Variants in FERRY3 observed in about 807,000 individuals in gnomAD.
FERRY3 encodes FERRY endosomal RAB5 effector complex subunit 3.
the FERRY3 span, among the ~76,000 whole-genome samples, chr12:4,496,482 T>C: frequency 6.6e-6 from 1 of 152,204 alleles, no homozygotes; most frequent in Non-Finnish European, 1.5e-5. Context: ...GAGAATGCAC[T>C]GTTAGAGAAA....
chr12:4,509,839 G>A, the FERRY3 span, among the ~76,000 whole-genome samples: 554 of 137,922 alleles, frequency 4.0e-3, 23 homozygotes, highest in East Asian at 0.059. Flanking sequence ...AACGCAGAGC[G>A]TCTCTCCTCC....
chr12:4,527,031 T>G, the FERRY3 span, among the ~76,000 whole-genome samples: 1 of 152,146 alleles, frequency 6.6e-6, no homozygotes, highest in Admixed American at 6.5e-5. Flanking sequence ...TAATAACTAT[T>G]ATGGGTCAAA....
At chr12:4,538,051 GAA>G in the FERRY3 span, among the ~76,000 whole-genome samples, 1 of 147,416 alleles carries the variant, frequency 6.8e-6, no homozygotes, top group Admixed American at 6.7e-5. Context: ...CAGGAATGTT[GAA>G]AAAAAAAAGA....
At chr12:4,517,142 T>G in the FERRY3 span, 3 of 1,593,678 alleles carry the variant, frequency 1.9e-6, no homozygotes, top group South Asian at 3.5e-5. Context: ...TGCTCTTCAA[T>G]TCGGGGGAAA....
the FERRY3 span, among the ~76,000 whole-genome samples, chr12:4,511,748 A>G: frequency 6.8e-6 from 1 of 146,226 alleles, no homozygotes; most frequent in Non-Finnish European, 1.5e-5. Context: ...CAGTGTGTAG[A>G]GGGAAATTTA....
the FERRY3 span, among the ~76,000 whole-genome samples, chr12:4,495,603 G>C: frequency 6.6e-6 from 1 of 152,106 alleles, no homozygotes; most frequent in Non-Finnish European, 1.5e-5. Context: ...TTAAAATTAG[G>C]ATACTAATGG....
the FERRY3 span, chr12:4,490,697 T>G: frequency 1.2e-6 from 1 of 823,080 alleles, no homozygotes; most frequent in South Asian, 1.7e-5. Flanking sequence ...ATGTCTTGAC[T>G]TTTTAGGTAG....
At chr12:4,519,042 C>A in the FERRY3 span, among the ~76,000 whole-genome samples, 2 of 152,206 alleles carry the variant, frequency 1.3e-5, no homozygotes, top group Non-Finnish European at 1.5e-5. This position sits in a 1 kb window ranked among gnomAD's most constrained non-coding sequence, Gnocchi z 4.3. Flanking sequence ...TAAGCACCAA[C>A]AGGTTCTAAA....
chr12:4,491,997 T>C, the FERRY3 span, among the ~76,000 whole-genome samples: 5 of 152,174 alleles, frequency 3.3e-5, no homozygotes, highest in African/African-American at 9.6e-5. Context: ...GGAGGATTGC[T>C]TGAGTCCAAG....
chr12:4,510,262 T>A, the FERRY3 span, among the ~76,000 whole-genome samples: 4 of 148,770 alleles, frequency 2.7e-5, no homozygotes, highest in Admixed American at 2.7e-4. Flanking sequence ...ACCAAATCTA[T>A]GTCTGATTGG....
the FERRY3 span, among the ~76,000 whole-genome samples, chr12:4,499,204 C>T: frequency 3.3e-5 from 5 of 152,126 alleles, no homozygotes; most frequent in African/African-American, 1.2e-4. Context: ...TTAAGAGATA[C>T]AGTTTCACCA....
the FERRY3 span, chr12:4,525,179 G>A: frequency 1.3e-6 from 2 of 1,515,854 alleles, no homozygotes; most frequent in Non-Finnish European, 1.8e-6. Flanking sequence ...CAGCTAAAAG[G>A]TTTAACTTTG....
the FERRY3 span, among the ~76,000 whole-genome samples, chr12:4,507,696 A>G: frequency 6.6e-6 from 1 of 152,256 alleles, no homozygotes; most frequent in Non-Finnish European, 1.5e-5. Context: ...ATATCCTGCA[A>G]CAGACTACTA....
the FERRY3 span, among the ~76,000 whole-genome samples, chr12:4,529,054 T>G: frequency 6.6e-6 from 1 of 152,088 alleles, no homozygotes; most frequent in Non-Finnish European, 1.5e-5. Flanking sequence ...TAATAAATAT[T>G]ATTAGATTCT....
At chr12:4,506,116 A>G in the FERRY3 span, among the ~76,000 whole-genome samples, 1 of 152,152 alleles carries the variant, frequency 6.6e-6, no homozygotes, top group Non-Finnish European at 1.5e-5. Context: ...TATTTTACAT[A>G]TATATTTTAA....
the FERRY3 span, among the ~76,000 whole-genome samples, chr12:4,514,704 A>G: frequency 7.2e-6 from 1 of 138,056 alleles, no homozygotes; most frequent in Non-Finnish European, 1.5e-5. Context: ...ATGAGATCAC[A>G]TGGACACAGG....
the FERRY3 span, chr12:4,518,087 C>T: frequency 2.5e-6 from 4 of 1,612,624 alleles, no homozygotes; most frequent in African/African-American, 1.3e-5. Flanking sequence ...TGAATTAATT[C>T]GATTATCTAC....
the FERRY3 span, chr12:4,502,494 A>G: frequency 1.6e-5 from 7 of 426,894 alleles, no homozygotes; most frequent in Middle Eastern, 3.6e-4. This position sits in a 1 kb window ranked among gnomAD's most constrained non-coding sequence, Gnocchi z 4.2. Flanking sequence ...TATCAATATA[A>G]AGAAATAAAA....
chr12:4,489,830 GTGT>G, the FERRY3 span: 1 of 1,608,190 alleles, frequency 6.2e-7, no homozygotes, highest in Non-Finnish European at 8.5e-7. Flanking sequence ...GTCAGAGTGA[GTGT>G]TGATGATACT....
Sources: gnomAD v4.1 joint callset for allele counts (sites outside exome capture counted in the v4.1 genomes callset) on GRCh38, gnomAD v4.1.1 for gene constraint, Gnocchi (gnomAD v3.1) non-coding constraint, MANE v1.5 for transcripts, NCBI Gene and HGNC (gene_info 2026-07-23, HGNC 2026-07-21) for gene names.